DNAH14: variants seen among roughly 807,000 people sequenced by gnomAD.
DNAH14 encodes the protein axonemal beta dynein heavy chain 14.
In DNAH14, 478 loss-of-function variants were observed where a neutral mutation model predicts 520.9. The ratio of observed to expected loss-of-function variants is 0.92; its 90% CI spans 0.85 to 0.99. The LOEUF (loss-of-function observed/expected upper bound fraction) is 0.99, where lower values mean the gene tolerates loss of function less well. Among genes scored for constraint, DNAH14 ranks in the 50% least tolerant of loss-of-function variants. The pLI, the probability that DNAH14 is intolerant of heterozygous loss-of-function variation, is 0.00. For synonymous variants in DNAH14, 1,581 were observed against 1,757.2 expected (o/e 0.90, Z 2.51); for missense variants, 4,831 against 5,234.5 (o/e 0.92, Z 2.38).
intron 11 of DNAH14, among the ~76,000 whole-genome samples, chr1:225,032,840 G>A (rs2066634460): frequency 6.6e-6 from 1 of 152,046 alleles, no homozygotes; most frequent in Non-Finnish European, 1.5e-5. Context: ...CAGTGATATT[G>A]AGCTCTTTTT....
At chr1:225,110,502 C>T (rs2076400277) in intron 23 of DNAH14, among the ~76,000 whole-genome samples, 1 of 151,678 alleles carries the variant, frequency 6.6e-6, no homozygotes, top group South Asian at 2.1e-4. Context: ...CTTTGAATTT[C>T]TGTGGTACTG....
rs542070475 is a variant in DNAH14 at position 224,983,535 on chromosome 1, A to C, written c.830+9382A>C. ...TCACTCCTCTCCAACATAGTACTGG[A>C]AGTCTTAGCCAGAGCAGTCCAACAA... On this transcript the variant is annotated intron_variant, in intron 8 of 85. Transcript: ENST00000682510. Among the ~76,000 whole-genome samples the C allele has an allele frequency of 2.0e-5, 3 of 152,290 alleles. No individual in the cohort carries two copies. In the East Asian group the frequency reaches 5.8e-4, roughly 29 times the overall value.
chr1:225,377,472 T>G, intron 79 of DNAH14, 36 bp downstream of exon 79: 1 of 1,519,410 alleles, frequency 6.6e-7, no homozygotes, highest in Non-Finnish European at 8.9e-7. Context: ...TGGTCAAAAA[T>G]TATCAGGCTG....
chr1:224,989,484 A>C (rs1378797362), intron 8 of DNAH14, among the ~76,000 whole-genome samples: 1 of 152,086 alleles, frequency 6.6e-6, no homozygotes, highest in Non-Finnish European at 1.5e-5. Flanking sequence ...TTTTTGGGAT[A>C]TTCTACATAG....
At chr1:225,129,349 C>G (rs1156825488) in intron 27 of DNAH14, among the ~76,000 whole-genome samples, 1 of 151,922 alleles carries the variant, frequency 6.6e-6, no homozygotes, top group Non-Finnish European at 1.5e-5. Flanking sequence ...AAAAAGAGCC[C>G]GCATCACCAA....
intron 26 of DNAH14, among the ~76,000 whole-genome samples, chr1:225,121,721 G>A (rs1473705840): frequency 6.6e-6 from 1 of 152,008 alleles, no homozygotes; most frequent in Non-Finnish European, 1.5e-5. Flanking sequence ...CACACCTGTA[G>A]TCCCAGCTAC....
At chr1:225,089,412 C>A (rs2074131361) in intron 21 of DNAH14, among the ~76,000 whole-genome samples, 1 of 129,630 alleles carries the variant, frequency 7.7e-6, no homozygotes, top group African/African-American at 3.1e-5. Flanking sequence ...TCTTTGCACT[C>A]CAGCCTGGGC....
At chr1:225,028,965 A>G (rs1264952247) in intron 11 of DNAH14, among the ~76,000 whole-genome samples, 3 of 152,096 alleles carry the variant, frequency 2.0e-5, no homozygotes, top group Admixed American at 2.0e-4. Flanking sequence ...CGCAAAAAGC[A>G]GAAAACATTT....
chr1:225,323,159 C>T (rs1456826228), intron 62 of DNAH14, among the ~76,000 whole-genome samples: 2 of 152,138 alleles, frequency 1.3e-5, no homozygotes, highest in African/African-American at 4.8e-5. Flanking sequence ...CCAGCATGCC[C>T]CAGGCCATAC....
In DNAH14 at chr1:225,253,194, G is replaced by A. The variant is rs955557840; in HGVS notation, c.6865+777G>A. ...ATATTTTGTTACAATAAATATTAGC[G>A]GGCAATCATATTTGTTTACAAGCTC... On this transcript the variant is annotated intron_variant, in intron 44 of 85. Transcript: ENST00000682510. 5.3e-5 allele frequency among the ~76,000 whole-genome samples: 8 copies of A among 152,036 alleles called. No individual in the cohort carries two copies. The East Asian group carries it at 5.8e-4, about 11-fold the overall frequency.
chr1:225,321,378 A>G (rs1235294383), intron 61 of DNAH14, among the ~76,000 whole-genome samples: 4 of 152,188 alleles, frequency 2.6e-5, no homozygotes, highest in Non-Finnish European at 4.4e-5. Context: ...CCCATGACAC[A>G]AGTTTACCTA....
At chr1:225,153,024 A>C in intron 33 of DNAH14, 141 bp downstream of exon 33, 1 of 904,936 alleles carries the variant, frequency 1.1e-6, no homozygotes, top group Non-Finnish European at 1.6e-6. Context: ...TAATGGAGCT[A>C]GAATTTCCAT....
At chr1:225,058,191 A>G (rs1021206158) in intron 17 of DNAH14, among the ~76,000 whole-genome samples, 4 of 152,200 alleles carry the variant, frequency 2.6e-5, no homozygotes, top group Admixed American at 2.6e-4. Flanking sequence ...GCTATTAATT[A>G]TTGCCTCAAT....
chr1:225,254,194 G>A lies in DNAH14; in HGVS notation c.6865+1777G>A, dbSNP rs576844401. Among the ~76,000 whole-genome samples the A allele has an allele frequency of 7.1e-4, 108 of 151,982 alleles. 1 individual carries two copies. The highest frequency in any genetic ancestry group is 2.5e-3 in the African/African-American group (105 of 41,464). ...AATAGAATCCTGGATTCCTAACACTGTGGAGCTGACATATAGACCATGGGC... is the reference window on the plus strand; with the variant it reads ...AATAGAATCCTGGATTCCTAACACTATGGAGCTGACATATAGACCATGGGC... On this transcript the variant is annotated intron_variant, in intron 44 of 85. Transcript: ENST00000682510.
chr1:224,970,451 A>G (rs1558553192), intron 7 of DNAH14, among the ~76,000 whole-genome samples: 1 of 152,076 alleles, frequency 6.6e-6, no homozygotes, highest in African/African-American at 2.4e-5. Flanking sequence ...TACCTTGTGA[A>G]GCATGTGATC....
At chr1:225,152,491 T>C (rs1197970168) in intron 32 of DNAH14, among the ~76,000 whole-genome samples, 1 of 152,036 alleles carries the variant, frequency 6.6e-6, no homozygotes, top group Non-Finnish European at 1.5e-5. Flanking sequence ...ATGAGGTCAA[T>C]TGTGGGAGGA....
chr1:225,196,865 T>G (rs562627358), intron 38 of DNAH14, among the ~76,000 whole-genome samples: 1,061 of 27,722 alleles, frequency 0.038, 8 homozygotes, highest in African/African-American at 0.15. Context: ...GATTGGTTGT[T>G]TTTTTTCTTG....
intron 76 of DNAH14, among the ~76,000 whole-genome samples, chr1:225,366,068 G>A (rs983794377): frequency 6.6e-6 from 1 of 151,946 alleles, no homozygotes; most frequent in Non-Finnish European, 1.5e-5. Flanking sequence ...GGACACAAGA[G>A]GTCAATAAAC....
intron 34 of DNAH14, among the ~76,000 whole-genome samples, chr1:225,155,718 T>C (rs2149114049): frequency 6.6e-6 from 1 of 152,256 alleles, no homozygotes; most frequent in East Asian, 1.9e-4. Context: ...CCATTTCCAG[T>C]ATACAGGAAA....
Sources: allele counts gnomAD v4.1 joint callset (sites outside exome capture counted in the v4.1 genomes callset), GRCh38; gene constraint gnomAD v4.1.1; transcripts MANE v1.5; gene names NCBI Gene and HGNC (gene_info 2026-07-23, HGNC 2026-07-21).